Variants in CDH2 observed in about 807,000 individuals in gnomAD.
The protein encoded by CDH2 is cadherin 2.
In CDH2, 17 loss-of-function variants were observed where a neutral mutation model predicts 92.0. The observed-to-expected ratio is 0.18, with a 90% CI of 0.13 to 0.28. The LOEUF (loss-of-function observed/expected upper bound fraction) is 0.28. Among genes scored for constraint, CDH2 ranks in the 10% least tolerant of loss-of-function variants. CDH2 has a pLI of 1.00. For synonymous variants in CDH2, 419 were observed against 415.9 expected (o/e 1.01, Z -0.09); for missense variants, 862 against 1,133.1 (o/e 0.76, Z 3.44).
intron 15 of CDH2, among the ~76,000 whole-genome samples, chr18:27,955,759 C>CTTTTTTTTTTTTTTTTTT (rs1219088194): frequency 1.9e-4 from 5 of 25,940 alleles, no homozygotes; most frequent in Admixed American, 7.2e-4. Flanking sequence ...TTCTTTATTT[C>CTTTTTTTTTTTTTTTTTT]TGTTTTTTTT....
chr18:28,070,596 C>A (rs1323177323), intron 2 of CDH2, among the ~76,000 whole-genome samples: 1 of 152,226 alleles, frequency 6.6e-6, no homozygotes, highest in Non-Finnish European at 1.5e-5. Context: ...GTCCTCCATT[C>A]CTGGGCTGGA....
intron 1 of CDH2, 125 bp downstream of exon 1, chr18:28,176,838 G>A (rs1206653083): frequency 3.7e-5 from 13 of 355,158 alleles, no homozygotes; most frequent in Admixed American, 6.4e-5. Context: ...GGCGCGGCGC[G>A]GCGCGGCGTG....
intron 2 of CDH2, among the ~76,000 whole-genome samples, chr18:28,125,472 T>G (rs752734191): frequency 4.6e-5 from 7 of 151,990 alleles, no homozygotes; most frequent in Non-Finnish European, 8.8e-5. Flanking sequence ...CAGGATGAAG[T>G]GGAAATGTAT....
chr18:27,960,328 G>A (rs2011368367), intron 15 of CDH2, among the ~76,000 whole-genome samples: 1 of 152,080 alleles, frequency 6.6e-6, no homozygotes, highest in Non-Finnish European at 1.5e-5. Context: ...AATACTTAAT[G>A]AATTTCACCC....
intron 14 of CDH2, among the ~76,000 whole-genome samples, chr18:27,977,882 G>A (rs1360993373): frequency 6.6e-6 from 1 of 152,142 alleles, no homozygotes; most frequent in Admixed American, 6.5e-5. Flanking sequence ...AAAAAGCAAT[G>A]GATAATAAAG....
intron 2 of CDH2, among the ~76,000 whole-genome samples, chr18:28,104,966 A>AT (rs201543388): frequency 0.015 from 2,240 of 151,250 alleles, 30 homozygotes; most frequent in Non-Finnish European, 0.02. Context: ...TGATACCATG[A>AT]TTTTTTTTTA....
At chr18:27,997,431 A>T (rs184061189) in intron 7 of CDH2, among the ~76,000 whole-genome samples, 88 of 152,354 alleles carry the variant, frequency 5.8e-4, no homozygotes, top group African/African-American at 2.1e-3. Context: ...CACCAAATGC[A>T]TGAGTGCAAG....
chr18:27,951,641 T>TAA lies in CDH2; in HGVS notation c.*510_*511dup, dbSNP rs1002308467. 6.7e-6 allele frequency: 1 copy of TAA among 149,024 alleles called. No homozygotes were observed. Among genetic ancestry groups the TAA allele is most frequent in the Non-Finnish European group, 1.5e-5 (1 of 67,298 alleles). 9.2% of individuals were successfully genotyped at this position (149,024 alleles called of 1,614,324 possible). On this transcript the variant is annotated 3_prime_UTR_variant, in exon 16 of 16. Transcript: ENST00000269141. Reference sequence around the variant, plus strand: ...TTTAGTGAAAAAAAAAAAAACAAACTAAAGTCTAAAACTAGAAGTAATGTA... The same window carrying TAA: ...TTTAGTGAAAAAAAAAAAAACAAACTAAAAAGTCTAAAACTAGAAGTAATGTA...
rs74171381 is a variant in CDH2 at position 27,951,086 on chromosome 18, T to C, written c.*1067A>G. 0.018 allele frequency: 2,734 copies of C among 152,200 alleles called. 43 individuals are homozygous for C. Among genetic ancestry groups the C allele is most frequent in the Non-Finnish European group, 0.028 (1,900 of 67,908 alleles). The allele number at this position is 152,200 out of a possible 1,614,324, so 9.4% of individuals were successfully genotyped here. ...AGTCTCTCCAGTTTAAAAGCTTTTT[T>C]TTTTCCATTTTTTTTTTAAAAAAAC... On this transcript the variant is annotated 3_prime_UTR_variant, in exon 16 of 16. Transcript: ENST00000269141.
intron 14 of CDH2, among the ~76,000 whole-genome samples, chr18:27,974,702 T>C (rs1260831642): frequency 1.3e-5 from 2 of 152,096 alleles, no homozygotes; most frequent in Non-Finnish European, 2.9e-5. Context: ...GTCATGAGGG[T>C]GGACACTTCA....
chr18:28,127,434 G>A (rs1423268495), intron 2 of CDH2, among the ~76,000 whole-genome samples: 1 of 152,148 alleles, frequency 6.6e-6, no homozygotes, highest in Admixed American at 6.5e-5. Context: ...AAATTGGGAC[G>A]CAGCCATAAG....
intron 2 of CDH2, among the ~76,000 whole-genome samples, chr18:28,029,254 G>T (rs531030211): frequency 6.6e-6 from 1 of 152,138 alleles, no homozygotes; most frequent in African/African-American, 2.4e-5. Context: ...ATAAGAAATG[G>T]ATTCCACTTT....
At chr18:28,170,592 G>C (rs2016450164) in intron 1 of CDH2, among the ~76,000 whole-genome samples, 1 of 152,074 alleles carries the variant, frequency 6.6e-6, no homozygotes, top group Non-Finnish European at 1.5e-5. Context: ...TGATCCACCT[G>C]CCTTGGCCTC....
chr18:28,170,846 A>G (rs1250187847), intron 1 of CDH2, among the ~76,000 whole-genome samples: 2 of 152,144 alleles, frequency 1.3e-5, no homozygotes, highest in Admixed American at 6.5e-5. Context: ...TTTCGTAATC[A>G]TAAGCAATGC....
At chr18:27,989,753 T>A (rs1459645044) in intron 10 of CDH2, among the ~76,000 whole-genome samples, 1 of 152,172 alleles carries the variant, frequency 6.6e-6, no homozygotes, top group Non-Finnish European at 1.5e-5. Flanking sequence ...ATAAATGTTA[T>A]AAGCCTCTGA....
At chr18:28,038,422 AGTGTGTGTGTGTGTGTGTGTGTGTGTGT>A (rs57601293) in intron 2 of CDH2, among the ~76,000 whole-genome samples, 1 of 142,274 alleles carries the variant, frequency 7.0e-6, no homozygotes, top group Admixed American at 7.0e-5. Context: ...CCTTGTCTCA[AGTGTGTGTGTGTGTGTGTGTGTGTGTGT>A]GTGTGTGTGT....
intron 8 of CDH2, 130 bp downstream of exon 8, chr18:27,993,370 C>T (rs1469930429): frequency 4.6e-6 from 4 of 863,368 alleles, no homozygotes; most frequent in East Asian, 2.6e-5. Flanking sequence ...CAGAAATGTC[C>T]GAGTTAGCAG....
intron 2 of CDH2, among the ~76,000 whole-genome samples, chr18:28,117,693 C>T (rs28365308): frequency 6.6e-6 from 1 of 152,118 alleles, no homozygotes; most frequent in South Asian, 2.1e-4. Context: ...GGTTTTAAGA[C>T]AAAAGTGGCC....
chr18:28,006,822 C>T (rs947602400), intron 5 of CDH2, among the ~76,000 whole-genome samples: 26 of 151,478 alleles, frequency 1.7e-4, no homozygotes, highest in Admixed American at 3.9e-4. Context: ...AATTTTGACA[C>T]TAGTTTTTTT....
Sources: allele counts gnomAD v4.1 joint callset (sites outside exome capture counted in the v4.1 genomes callset), GRCh38; gene constraint gnomAD v4.1.1; transcripts MANE v1.5; gene names NCBI Gene and HGNC (gene_info 2026-07-23, HGNC 2026-07-21).